The following CROCC variants were observed in gnomAD, a reference collection of about 807,000 sequenced individuals.
The protein encoded by CROCC is ciliary rootlet coiled-coil, rootletin.
A neutral mutation model predicts 245.2 loss-of-function variants in CROCC; 180 were observed. That is an observed-to-expected ratio of 0.73 (90% CI 0.65 to 0.83). CROCC has a LOEUF of 0.83. CROCC is among the 40% of genes least tolerant of loss of function. The pLI is 0.00. For missense variants in CROCC, 2,688 were observed against 2,779.4 expected (o/e 0.97, Z 0.74); for synonymous variants, 1,205 against 1,241.6 (o/e 0.97, Z 0.62).
chr1:16,958,186 G>A (rs1254809770), intron 25 of CROCC, among the ~76,000 whole-genome samples: 3 of 152,170 alleles, frequency 2.0e-5, no homozygotes, highest in African/African-American at 4.8e-5. Flanking sequence ...AAGATTAAAC[G>A]AGTTAATATA....
At position 16,954,694 on chromosome 1, in the gene CROCC, G is replaced by T. The variant is rs537082656; in HGVS notation, c.3322-40G>T. ...GGTTGGGAGCAGCCCGGGGCTGGGG[G>T]ACACAGCAGGACCAAGTCTGAGGAG... is the stretch of plus-strand genomic sequence containing the variant. On this transcript the variant is annotated intron_variant, in intron 22 of 36. Transcript: ENST00000375541. This position sits in a 1 kb window ranked among gnomAD's most constrained non-coding sequence, Gnocchi z 4.4. 5.3e-6 allele frequency: 8 copies of T among 1,516,040 alleles called. No homozygotes were observed. Among genetic ancestry groups the T allele is most frequent in the African/African-American group, 1.4e-5 (1 of 72,278 alleles). 93.9% of individuals were successfully genotyped at this position (1,516,040 alleles called of 1,614,324 possible).
chr1:16,948,480 G>A lies in CROCC; in HGVS notation c.2664G>A (p.Ala888=), dbSNP rs370760444. Reference sequence around the variant, plus strand: ...GCCTGGCTGTGCAGCTGGTGGCTGCGGAGCGTGAAGGCAGGACCCTGTCAG... The same window carrying A: ...GCCTGGCTGTGCAGCTGGTGGCTGCAGAGCGTGAAGGCAGGACCCTGTCAG... ...HAGLAVQLVA[A]EREGRTLSEE... Residue 888 remains alanine, a synonymous_variant, in exon 18 of 37, where the codon GCG becomes GCA. Transcript: ENST00000375541. 276 of 1,554,092 alleles carry A rather than the reference G, an allele frequency of 1.8e-4. No individual in the cohort carries two copies. The African/African-American group carries it at 1.8e-3, about 10-fold the overall frequency.
intron 8 of CROCC, among the ~76,000 whole-genome samples, chr1:16,931,761 A>AT (rs60537875): frequency 8.0e-5 from 12 of 149,802 alleles, no homozygotes; most frequent in East Asian, 5.8e-4. Flanking sequence ...GAAGTTCCTG[A>AT]TTTTTTTTTT....
rs59085622 is a variant in CROCC, at chr1:16,963,037, G to A, written c.4405+1907G>A. Among the ~76,000 whole-genome samples, 1,016 of 151,870 alleles carry A rather than the reference G, an allele frequency of 6.7e-3. 19 individuals are homozygous for A. The highest frequency in any genetic ancestry group is 0.024 in the African/African-American group (984 of 41,428). The stretch of plus-strand genomic sequence containing the variant: ...TCTCTACTAAAAATACAAAAAATTA[G>A]TCAAGTGTGGTGGCAGACGCCTGTA... On this transcript the variant is annotated intron_variant, in intron 27 of 36. Transcript: ENST00000375541.
Position 16,961,086 on chromosome 1 carries a change from C to A in CROCC, c.4361C>A (p.Pro1454Gln), listed in dbSNP as rs535606357. 2.3e-4 allele frequency: 318 copies of A among 1,364,212 alleles called. No individual in the cohort carries two copies. In the African/African-American group the frequency reaches 4.5e-3, roughly 19 times the overall value. The allele number at this position is 1,364,212 out of a possible 1,614,324, so 84.5% of individuals were successfully genotyped here. ...LGLGRAPSPAPRPVPGSPARD... is the reference protein window; with the variant it reads ...LGLGRAPSPAQRPVPGSPARD... ...CTCGGTCGCGCGCCCAGCCCAGCCCCGCGGCCAGTGCCCGGTTCCCCTGCC... is the reference window on the plus strand; with the variant it reads ...CTCGGTCGCGCGCCCAGCCCAGCCCAGCGGCCAGTGCCCGGTTCCCCTGCC... Residue 1454 changes from proline to glutamine, a missense_variant, in exon 27 of 37, where the codon CCG becomes CAG. By Grantham distance (76) the Pro-to-Gln change is moderately conservative. Coordinates refer to ENST00000375541, the MANE Select transcript of CROCC (RefSeq NM_014675.5).
chr1:16,939,149 A>T lies in CROCC; in HGVS notation c.1608+7A>T. 1 of 1,399,298 alleles carries T rather than the reference A, an allele frequency of 7.1e-7. No homozygotes were observed. 86.7% of individuals were successfully genotyped at this position (1,399,298 alleles called of 1,614,324 possible). ...GCGCCAGCTGCAGGTCCAGGTAGGAAGGGGCTTGAGCGTTCTGGGCGCAGC... is the reference window on the plus strand; with the variant it reads ...GCGCCAGCTGCAGGTCCAGGTAGGATGGGGCTTGAGCGTTCTGGGCGCAGC... On this transcript the variant is annotated splice_region_variant and intron_variant, in intron 12 of 36. Transcript: ENST00000375541.
rs6684618 is a variant in CROCC at position 16,944,235 on chromosome 1, G to A, written c.1944G>A (p.Glu648=). The A allele has an allele frequency of 2.5e-4, 383 of 1,554,106 alleles. 3 individuals are homozygous for A. Among genetic ancestry groups the A allele is most frequent in the Middle Eastern group, 5.1e-4 (3 of 5,898 alleles). ...GGGACCGGCTGGAGGAAGAGCAGGA[G>A]GACGCAGTGCAGGATGGCGCGCGGG... ...RQRDRLEEEQ[E]DAVQDGARVR... Residue 648 remains glutamate, a synonymous_variant, in exon 14 of 37, where the codon GAG becomes GAA. Coordinates refer to ENST00000375541, the MANE Select transcript of CROCC (RefSeq NM_014675.5).
chr1:16,925,008 C>A (rs1441319394), intron 3 of CROCC, among the ~76,000 whole-genome samples: 2 of 152,286 alleles, frequency 1.3e-5, no homozygotes, highest in Non-Finnish European at 2.9e-5. Context: ...GTCTTCATGT[C>A]CAGGCAGGAT....
rs534578580 is a variant in CROCC, at chr1:16,965,669, G to A, written c.4406-54G>A. 40 of 1,259,544 alleles carry A rather than the reference G, an allele frequency of 3.2e-5. No homozygotes were observed. In the African/African-American group the frequency reaches 5.6e-4, roughly 18 times the overall value. The allele number at this position is 1,259,544 out of a possible 1,614,324, so 78.0% of individuals were successfully genotyped here. A position where few individuals can be genotyped will look rare whatever the true frequency, so the allele number is the denominator to read the frequency against. On this transcript the variant is annotated intron_variant, in intron 27 of 36. Coordinates refer to ENST00000375541, the MANE Select transcript of CROCC (RefSeq NM_014675.5). ...AGGCAGGGATGACAGTGAGTGAGAT[G>A]TGTGGGAGGCCCGTGGCTTCTGCAT...
At chr1:16,937,841 C>T (rs2075826976) in intron 10 of CROCC, 104 bp downstream of exon 10, 2 of 995,336 alleles carry the variant, frequency 2.0e-6, no homozygotes, top group Non-Finnish European at 3.1e-6. Flanking sequence ...CCCCAGCGTC[C>T]CACTCACACT....
chr1:16,946,946 C>G lies in CROCC; in HGVS notation c.2469C>G (p.Pro823=). Reference sequence around the variant, plus strand: ...AGGAGGCATTGGAGCAGCAGCTCCCCACGCTGCGCCATGAGCGCAGCCAGC... The same window carrying G: ...AGGAGGCATTGGAGCAGCAGCTCCCGACGCTGCGCCATGAGCGCAGCCAGC... The part of the protein sequence containing the change: ...QAQEALEQQL[P]TLRHERSQLQ... Residue 823 remains proline (P), a synonymous_variant, in exon 17 of 37, where the codon CCC becomes CCG. Coordinates refer to ENST00000375541, the MANE Select transcript of CROCC (RefSeq NM_014675.5). The G allele has an allele frequency of 6.4e-7, 1 of 1,559,966 alleles. No individual in the cohort carries two copies. Among genetic ancestry groups the G allele is most frequent in the South Asian group, 1.2e-5 (1 of 84,684 alleles).
Position 16,966,623 on chromosome 1 carries a change from T to G in CROCC, c.4860+52T>G. On this transcript the variant is annotated intron_variant, in intron 30 of 36. Transcript: ENST00000375541. This position sits in a 1 kb window ranked among gnomAD's most constrained non-coding sequence, Gnocchi z 4.8. ...GCGACGGGGAATCTGTGTACCCGAG[T>G]GAGTGTCTAACTCTTATGTGTGTCT... is the stretch of plus-strand genomic sequence containing the variant. 4 of 1,437,484 alleles carry G rather than the reference T, an allele frequency of 2.8e-6. No homozygotes were observed. Among genetic ancestry groups the G allele is most frequent in the Non-Finnish European group, 3.6e-6 (4 of 1,096,854 alleles). The allele number at this position is 1,437,484 out of a possible 1,614,324, so 89.0% of individuals were successfully genotyped here. A position where few individuals can be genotyped will look rare whatever the true frequency, so the allele number is the denominator to read the frequency against.
In CROCC at chr1:16,939,073, G is replaced by A. The variant is rs748760516; in HGVS notation, c.1539G>A (p.Pro513=). 1.2e-5 allele frequency: 19 copies of A among 1,584,866 alleles called. No individual in the cohort carries two copies. The highest frequency in any genetic ancestry group is 2.3e-5 in the East Asian group (1 of 44,184). ...GTTCACCCCGCCGAGGCCCCTCCCCGGCCTGCTCAGACTCCTCCACGCTCG... is the reference window on the plus strand; with the variant it reads ...GTTCACCCCGCCGAGGCCCCTCCCCAGCCTGCTCAGACTCCTCCACGCTCG... ...RGRSPRRGPS[P]ACSDSSTLAL... Residue 513 remains proline (P), a synonymous_variant, in exon 12 of 37, where the codon CCG becomes CCA. Coordinates refer to ENST00000375541, the MANE Select transcript of CROCC (RefSeq NM_014675.5).
rs769431722 is a variant in CROCC at position 16,969,797 on chromosome 1, G to GCCGC, written c.5318_5321dup (p.Gln1775ProfsTer6). The GCCGC allele has an allele frequency of 6.2e-7, 1 of 1,612,720 alleles. No homozygotes were observed. Among genetic ancestry groups the GCCGC allele is most frequent in the Non-Finnish European group, 8.5e-7 (1 of 1,179,508 alleles). ...CCCTGTCCCCCAGGAACGGCTGGAT[G>GCCGC]CCGCCCGGCAGGCATTATCTGAGGC... is the stretch of plus-strand genomic sequence containing the variant. On this transcript the variant is annotated frameshift_variant, in exon 33 of 37. Transcript: ENST00000375541. LOFTEE classifies it high-confidence loss of function.
In CROCC at chr1:16,946,778, C is replaced by T. The variant is rs750552349; in HGVS notation, c.2301C>T (p.Ser767=). 2.7e-5 allele frequency: 42 copies of T among 1,551,476 alleles called. No individual in the cohort carries two copies. Among genetic ancestry groups the T allele is most frequent in the Admixed American group, 1.4e-4 (7 of 50,994 alleles). The change falls in exon 17 of 37, where the codon TCC becomes TCT. Residue 767 remains serine, a synonymous_variant. Coordinates refer to ENST00000375541, the MANE Select transcript of CROCC (RefSeq NM_014675.5). ...GCCTCCAGCTGGAGGAAGAAAAGTCCGCCCTGCAGGGCCGGCAACGGCAGG... is the reference window on the plus strand; with the variant it reads ...GCCTCCAGCTGGAGGAAGAAAAGTCTGCCCTGCAGGGCCGGCAACGGCAGG... ...RLVAQLEEEK[S]ALQGRQRQAE... is the part of the protein sequence containing the mutation.
At chr1:16,937,426 C>T (rs2075816579) in intron 9 of CROCC, among the ~76,000 whole-genome samples, 1 of 152,224 alleles carries the variant, frequency 6.6e-6, no homozygotes, top group South Asian at 2.1e-4. Context: ...AACTGCTTTC[C>T]CATGAGATAA....
chr1:16,936,154 A>G (rs2075783890), intron 8 of CROCC, among the ~76,000 whole-genome samples: 1 of 151,688 alleles, frequency 6.6e-6, no homozygotes, highest in Non-Finnish European at 1.5e-5. Context: ...GAGTCTCACT[A>G]TGTTTCCCAT....
At chr1:16,918,616 T>G (rs1170774989), upstream of CROCC, among the ~76,000 whole-genome samples, 3 of 152,204 alleles carry the variant, frequency 2.0e-5, no homozygotes, top group Non-Finnish European at 1.5e-5. Context: ...GCTTCCCCCC[T>G]GTTCTGGTGG....
chr1:16,950,126 C>T (rs1478978737), intron 19 of CROCC, among the ~76,000 whole-genome samples: 1 of 151,430 alleles, frequency 6.6e-6, no homozygotes. Context: ...TGCAATGGTG[C>T]GATCTCGGCT....
Sources: gnomAD v4.1 joint callset for allele counts (sites outside exome capture counted in the v4.1 genomes callset) on GRCh38, gnomAD v4.1.1 for gene constraint, Gnocchi (gnomAD v3.1) non-coding constraint, MANE v1.5 for transcripts, NCBI Gene and HGNC (gene_info 2026-07-23, HGNC 2026-07-21) for gene names.